TMCO1: variants seen among roughly 807,000 people sequenced by gnomAD.
The protein encoded by TMCO1 is calcium load-activated calcium channel.
TMCO1 carries 29 observed loss-of-function variants against 29.3 expected under a neutral mutation model. The observed-to-expected ratio is 0.99, with a 90% CI of 0.74 to 1.35. TMCO1 has a LOEUF of 1.35. Ranked by LOEUF, TMCO1 falls within the 40% of genes most tolerant of loss-of-function variation. The pLI, the probability that TMCO1 is intolerant of heterozygous loss-of-function variation, is 0.00. For synonymous variants in TMCO1, 80 were observed against 77.1 expected (o/e 1.04, Z -0.20); for missense variants, 173 against 225.5 (o/e 0.77, Z 1.49).
intron 3 of TMCO1, among the ~76,000 whole-genome samples, 188 bp downstream of exon 3, chr1:165,759,337 C>A (rs1244695164): frequency 1.3e-5 from 2 of 152,122 alleles, no homozygotes; most frequent in Non-Finnish European, 2.9e-5. Flanking sequence ...AGAGGAACTG[C>A]TTAAATTTGT....
At chr1:165,752,253 T>C (rs1230348374) in intron 4 of TMCO1, 84 bp from the exon 5 acceptor site, 2 of 116,314 alleles carry the variant, frequency 1.7e-5, no homozygotes, top group South Asian at 1.6e-4. Flanking sequence ...TTTCATGTCA[T>C]TTTTTTTTTT....
intron 4 of TMCO1, among the ~76,000 whole-genome samples, chr1:165,753,751 C>T (rs1445628921): frequency 6.6e-6 from 1 of 152,094 alleles, no homozygotes; most frequent in Non-Finnish European, 1.5e-5. Context: ...TTCACAGTGG[C>T]AGTGAGCTCT....
chr1:165,740,119 T>TAACAACAAC (rs566615976), intron 6 of TMCO1, among the ~76,000 whole-genome samples: 9 of 151,964 alleles, frequency 5.9e-5, no homozygotes, highest in African/African-American at 2.2e-4. Context: ...CTCAAAATAA[T>TAACAACAAC]AACAACAACA....
intron 6 of TMCO1, among the ~76,000 whole-genome samples, chr1:165,739,396 A>T (rs1046779214): frequency 2.0e-5 from 3 of 151,134 alleles, no homozygotes; most frequent in East Asian, 1.9e-4. Context: ...TTCCTAAATA[A>T]TTTTTTTTTG....
Position 165,768,854 on chromosome 1 carries a change from T to G in TMCO1, c.-103A>C, listed in dbSNP as rs765958391. 5.7e-6 allele frequency: 9 copies of G among 1,575,638 alleles called. No individual in the cohort carries two copies. In the African/African-American group the frequency reaches 1.1e-4, roughly 19 times the overall value. On this transcript the variant is annotated 5_prime_UTR_variant, in exon 1 of 7. Transcript: ENST00000367881. Reference sequence around the variant, plus strand: ...TTCCGTAGACTCCGCCACCACCGAGTAACAGACCAACTCTGACAGCCCGAA... The same window carrying G: ...TTCCGTAGACTCCGCCACCACCGAGGAACAGACCAACTCTGACAGCCCGAA...
At position 165,743,146 on chromosome 1, in the gene TMCO1, A is replaced by G; in HGVS notation, c.468+21T>C. 1.9e-6 allele frequency: 3 copies of G among 1,613,542 alleles called. No homozygotes were observed. The South Asian group carries it at 3.3e-5, about 18-fold the overall frequency. ...CAGCAAGGAAAAATATACATATTAAATGGTAGATGTGATCACTCACCTGTC... is the reference window on the plus strand; with the variant it reads ...CAGCAAGGAAAAATATACATATTAAGTGGTAGATGTGATCACTCACCTGTC... On this transcript the variant is annotated intron_variant, in intron 6 of 6. Transcript: ENST00000367881.
chr1:165,727,406 C>A lies in TMCO1; in HGVS notation c.*617G>T. 1 of 454,002 alleles carries A rather than the reference C, an allele frequency of 2.2e-6. No homozygotes were observed. The highest frequency in any genetic ancestry group is 4.4e-6 in the Non-Finnish European group (1 of 226,796). The allele number at this position is 454,002 out of a possible 1,614,324, so 28.1% of individuals were successfully genotyped here. A position where few individuals can be genotyped will look rare whatever the true frequency, so the allele number is the denominator to read the frequency against. ...TTCCAATTCCTACACCAAGACAACT[C>A]TGTATTTTGAGTATATGAGTCAAGT... is the stretch of plus-strand genomic sequence containing the variant. On this transcript the variant is annotated 3_prime_UTR_variant, in exon 7 of 7. Transcript: ENST00000367881.
intron 3 of TMCO1, among the ~76,000 whole-genome samples, chr1:165,757,624 A>G (rs1171212004): frequency 2.0e-5 from 3 of 152,138 alleles, no homozygotes; most frequent in Admixed American, 6.6e-5. Flanking sequence ...CAGCCTCCCA[A>G]GTAGCTGGGA....
At chr1:165,733,215 C>G (rs955225434) in intron 6 of TMCO1, among the ~76,000 whole-genome samples, 1 of 152,222 alleles carries the variant, frequency 6.6e-6, no homozygotes, top group African/African-American at 2.4e-5. Context: ...TATATTATCT[C>G]ATTACATCTT....
chr1:165,733,826 A>G (rs1296988577), intron 6 of TMCO1, among the ~76,000 whole-genome samples: 1 of 152,258 alleles, frequency 6.6e-6, no homozygotes, highest in Non-Finnish European at 1.5e-5. Context: ...ACATTTTCCC[A>G]TAATTGTGTC....
In TMCO1 at chr1:165,763,421, C is replaced by T. The variant is rs1002286619; in HGVS notation, c.149-3837G>A. 5.3e-5 allele frequency among the ~76,000 whole-genome samples: 8 copies of T among 152,160 alleles called. 1 individual carries two copies. Among genetic ancestry groups the T allele is most frequent in the Admixed American group, 4.6e-4 (7 of 15,268 alleles). Reference sequence around the variant, plus strand: ...ACACATAGCAAGCAATCAAATAAGTCGACTGATCACATAAATAAAAATAAT... The same window carrying T: ...ACACATAGCAAGCAATCAAATAAGTTGACTGATCACATAAATAAAAATAAT... On this transcript the variant is annotated intron_variant, in intron 2 of 6. Transcript: ENST00000367881.
downstream of TMCO1, chr1:165,725,371 C>T (rs1448658254): frequency 2.2e-6 from 1 of 453,400 alleles, no homozygotes; most frequent in Admixed American, 2.4e-5. Flanking sequence ...GAGAAAGGCC[C>T]AGTCTGGTCA....
At chr1:165,745,505 C>G (rs10800154) in intron 5 of TMCO1, among the ~76,000 whole-genome samples, 130,566 of 145,830 alleles carry the variant, frequency 0.9, 58,591 homozygotes, top group East Asian at 0.99. Flanking sequence ...AAATTAGCCA[C>G]GTGTCATGGT....
intron 6 of TMCO1, among the ~76,000 whole-genome samples, chr1:165,741,094 C>T (rs1174175390): frequency 2.6e-5 from 4 of 152,158 alleles, no homozygotes; most frequent in Admixed American, 6.5e-5. Context: ...TCAAACTCAG[C>T]GTGTCTTCTA....
chr1:165,763,090 G>C (rs1438272931), intron 2 of TMCO1, among the ~76,000 whole-genome samples: 1 of 152,036 alleles, frequency 6.6e-6, no homozygotes, highest in Non-Finnish European at 1.5e-5. Flanking sequence ...AAAATGCCAA[G>C]GACCAGATCA....
chr1:165,765,424 C>T (rs939818662), intron 2 of TMCO1, among the ~76,000 whole-genome samples: 1 of 152,230 alleles, frequency 6.6e-6, no homozygotes, highest in African/African-American at 2.4e-5. Flanking sequence ...GCTGGGATTA[C>T]AGGCATGTGC....
At position 165,746,001 on chromosome 1, in the gene TMCO1, G is replaced by A. The variant is rs147503587; in HGVS notation, c.324-2690C>T. The stretch of plus-strand genomic sequence containing the variant: ...ATATACATAAAAACAAAAAAAGAAG[G>A]CCAGGAGCGGTGGCTCACGCCTGTA... On this transcript the variant is annotated intron_variant, in intron 5 of 6. Coordinates refer to ENST00000367881, the MANE Select transcript of TMCO1 (RefSeq NM_019026.6). 3.3e-4 allele frequency among the ~76,000 whole-genome samples: 51 copies of A among 152,254 alleles called. No individual in the cohort carries two copies. In the East Asian group the frequency reaches 6.9e-3, roughly 21 times the overall value.
At chr1:165,730,169 C>A (rs61800426) in intron 6 of TMCO1, among the ~76,000 whole-genome samples, 116,498 of 132,662 alleles carry the variant, frequency 0.88, 51,198 homozygotes, top group East Asian at 0.98. Context: ...AAAATACACA[C>A]ACACAAAAAA....
intron 6 of TMCO1, among the ~76,000 whole-genome samples, chr1:165,741,571 A>G (rs996237157): frequency 6.6e-6 from 1 of 152,252 alleles, no homozygotes; most frequent in Non-Finnish European, 1.5e-5. Context: ...AAAGTGCTGT[A>G]TTTGTGGGGA....
Sources: gnomAD v4.1 joint callset for allele counts (sites outside exome capture counted in the v4.1 genomes callset) on GRCh38, gnomAD v4.1.1 for gene constraint, MANE v1.5 for transcripts, NCBI Gene and HGNC (gene_info 2026-07-23, HGNC 2026-07-21) for gene names.